The following ZKSCAN3 variants were observed in gnomAD, a reference collection of about 807,000 sequenced individuals.
ZKSCAN3 encodes the protein zinc finger protein with KRAB and SCAN domains 3.
In ZKSCAN3, 21 loss-of-function variants were observed where a neutral mutation model predicts 30.7. The ratio of observed to expected loss-of-function variants is 0.68; its 90% CI spans 0.49 to 0.99. ZKSCAN3 has a LOEUF of 0.99. Among genes scored for constraint, ZKSCAN3 ranks in the 50% least tolerant of loss-of-function variants. ZKSCAN3 has a pLI of 0.00. For missense variants in ZKSCAN3, 507 were observed against 647.1 expected (o/e 0.78, Z 2.35); for synonymous variants, 201 against 246.7 (o/e 0.81, Z 1.73).
At position 28,361,448 on chromosome 6, in the gene ZKSCAN3, G is replaced by T. The variant is rs755305286; in HGVS notation, c.527G>T (p.Gly176Val). The T allele has an allele frequency of 5.0e-6, 8 of 1,612,288 alleles. No homozygotes were observed. The South Asian group carries it at 7.7e-5, about 16-fold the overall frequency. ...MKALLKHESV[G>V]SQPLQDRVLQ... The stretch of plus-strand genomic sequence containing the variant: ...GCTCTGCTCAAGCATGAATCTGTGG[G>T]ATCCCAGCCTTTACAAGATAGAGGT... The change falls in exon 3 of 6, where the codon GGA becomes GTA. Residue 176 changes from glycine to valine, a missense_variant. Transcript: ENST00000252211.
At chr6:28,353,727 G>C (rs1395817454) in intron 1 of ZKSCAN3, 3 of 425,694 alleles carry the variant, frequency 7.0e-6, no homozygotes, top group Non-Finnish European at 1.4e-5. Context: ...CCTTGCGAGT[G>C]ATTAAAGATA....
chr6:28,360,586 T>G, intron 2 of ZKSCAN3: 1 of 983,360 alleles, frequency 1.0e-6, no homozygotes, highest in Non-Finnish European at 1.2e-6. Flanking sequence ...ACCTCCATGT[T>G]CTTCCCTGTT....
chr6:28,362,909 T>A (rs1765819707), intron 3 of ZKSCAN3, among the ~76,000 whole-genome samples: 1 of 152,180 alleles, frequency 6.6e-6, no homozygotes. Flanking sequence ...ATTCAAAGGA[T>A]CTTCAGATGG....
chr6:28,365,101 T>G (rs1192048943), intron 5 of ZKSCAN3, among the ~76,000 whole-genome samples: 3 of 151,798 alleles, frequency 2.0e-5, no homozygotes, highest in African/African-American at 7.2e-5. Context: ...GCCTTACAAT[T>G]CTTAGAACTT....
chr6:28,365,518 G>A lies in ZKSCAN3; in HGVS notation c.850G>A (p.Asp284Asn), dbSNP rs1181683828. 1.2e-6 allele frequency: 2 copies of A among 1,614,140 alleles called. No individual in the cohort carries two copies. Among genetic ancestry groups the A allele is most frequent in the Non-Finnish European group, 1.7e-6 (2 of 1,180,050 alleles). ...GAAGATATCGTGCCACCTGAGAGAA[G>A]ACATTGCCCAGATTCCTACATGTGC... is the stretch of plus-strand genomic sequence containing the variant. ...HGKISCHLRE[D>N]IAQIPTCAEA... Residue 284 changes from aspartate to asparagine, a missense_variant, in exon 6 of 6, where the codon GAC becomes AAC. By Grantham distance (23) the Asp-to-Asn change is conservative. Transcript: ENST00000252211.
intron 1 of ZKSCAN3, 55 bp from the exon 2 acceptor site, chr6:28,359,470 G>T: frequency 7.5e-7 from 1 of 1,326,752 alleles, no homozygotes; most frequent in Non-Finnish European, 1.0e-6. Context: ...TCCTGGGCAG[G>T]AGAGAAGGGA....
In ZKSCAN3 at chr6:28,350,085, T is replaced by TGG. The variant is rs1491258431; in HGVS notation, c.-63+19_-63+20insGG. The TGG allele has an allele frequency of 2.8e-5, 1 of 35,320 alleles. No individual in the cohort carries two copies. The highest frequency in any genetic ancestry group is 1.2e-3 in the African/African-American group (1 of 824). 2.2% of individuals were successfully genotyped at this position (35,320 alleles called of 1,614,324 possible). On this transcript the variant is annotated intron_variant, in intron 1 of 5. Coordinates refer to ENST00000252211, the MANE Select transcript of ZKSCAN3 (RefSeq NM_024493.4). Reference sequence around the variant, plus strand: ...GGGTAGAGGTGCGTTTGCAGGAGTATGTGTGTGTGTGTGTGTGTGTGTGTG... The same window carrying TGG: ...GGGTAGAGGTGCGTTTGCAGGAGTATGGGTGTGTGTGTGTGTGTGTGTGTGTG...
In ZKSCAN3 at chr6:28,368,735, A is replaced by G. The variant is rs1488510083; in HGVS notation, c.*2450A>G. 3.2e-5 allele frequency: 5 copies of G among 155,332 alleles called. No homozygotes were observed. 9.6% of individuals were successfully genotyped at this position (155,332 alleles called of 1,614,324 possible). A position where few individuals can be genotyped will look rare whatever the true frequency, so the allele number is the denominator to read the frequency against. ...CTTATCAAACACCAGAGAACCCTCA[A>G]TGGGAGAAGCCTTATGAGTGTGACA... is the stretch of plus-strand genomic sequence containing the variant. On this transcript the variant is annotated 3_prime_UTR_variant, in exon 6 of 6. Transcript: ENST00000252211.
chr6:28,367,722 ATTT>A lies in ZKSCAN3; in HGVS notation c.*1452_*1454del, dbSNP rs55844189. The A allele has an allele frequency of 0.053, 7,579 of 143,228 alleles. 298 individuals carry two copies. Among genetic ancestry groups the A allele is most frequent in the Non-Finnish European group, 0.091 (5,910 of 65,182 alleles). The allele number at this position is 143,228 out of a possible 1,614,324, so 8.9% of individuals were successfully genotyped here. A position where few individuals can be genotyped will look rare whatever the true frequency, so the allele number is the denominator to read the frequency against. Reference sequence around the variant, plus strand: ...CTCCAGCTCAATGGATTCACACCAAATTTTTTTTTTTTTTTTTAGACGGAGTCT... The same window carrying A: ...CTCCAGCTCAATGGATTCACACCAAATTTTTTTTTTTTTTAGACGGAGTCT... On this transcript the variant is annotated 3_prime_UTR_variant, in exon 6 of 6. Coordinates refer to ENST00000252211, the MANE Select transcript of ZKSCAN3 (RefSeq NM_024493.4).
chr6:28,361,626 G>T (rs1419093243), intron 3 of ZKSCAN3, among the ~76,000 whole-genome samples, 155 bp downstream of exon 3: 1 of 152,178 alleles, frequency 6.6e-6, no homozygotes, highest in Non-Finnish European at 1.5e-5. Flanking sequence ...CCAACATAAT[G>T]ATGGAAAGCT....
intron 5 of ZKSCAN3, 81 bp downstream of exon 5, chr6:28,363,896 G>T (rs532786243): frequency 6.5e-7 from 1 of 1,538,914 alleles, no homozygotes; most frequent in African/African-American, 1.4e-5. Context: ...ATTGGAAGCT[G>T]TTGAGCCCTG....
intron 3 of ZKSCAN3, among the ~76,000 whole-genome samples, chr6:28,361,910 A>C (rs1765786051): frequency 6.6e-6 from 1 of 151,732 alleles, no homozygotes; most frequent in African/African-American, 2.4e-5. Context: ...CGATCCTCTC[A>C]ACTCAGCCTC....
rs116179465 is a variant in ZKSCAN3, at chr6:28,356,877, C to T, written c.-62-2648C>T. ...CTCATGCTGTGGCTGCATAGCCGCT[C>T]CGGGAGCCTGGGGGCTGAAGACCCA... On this transcript the variant is annotated intron_variant, in intron 1 of 5. Transcript: ENST00000252211. Among the ~76,000 whole-genome samples, 537 of 152,340 alleles carry T rather than the reference C, an allele frequency of 3.5e-3. 4 individuals carry two copies. Among genetic ancestry groups the T allele is most frequent in the African/African-American group, 0.012 (490 of 41,578 alleles).
Position 28,365,501 on chromosome 6 carries a change from C to G in ZKSCAN3, c.833C>G (p.Ser278Trp). Residue 278 changes from serine (S) to tryptophan (W), a missense_variant, in exon 6 of 6, where the codon TCG becomes TGG. Physicochemically the swap from Ser to Trp is radical, Grantham distance 177. Transcript: ENST00000252211. ...CCAGAAAAGGAGCATGGGAAGATAT[C>G]GTGCCACCTGAGAGAAGACATTGCC... ...ELPEKEHGKI[S>W]CHLREDIAQI... The G allele has an allele frequency of 6.2e-7, 1 of 1,609,804 alleles. No individual in the cohort carries two copies. The highest frequency in any genetic ancestry group is 2.2e-5 in the East Asian group (1 of 44,888).
At position 28,365,453 on chromosome 6, in the gene ZKSCAN3, A is replaced by G; in HGVS notation, c.785A>G (p.Asp262Gly). ...LGDEKQTKSR[D>G]LPPAEELPEK... ...GATGAAAAACAGACTAAGAGCAGGGACTTGCCTCCAGCTGAGGAGCTTCCA... is the reference window on the plus strand; with the variant it reads ...GATGAAAAACAGACTAAGAGCAGGGGCTTGCCTCCAGCTGAGGAGCTTCCA... The change falls in exon 6 of 6, where the codon GAC (aspartate) becomes GGC (glycine). Residue 262 changes from aspartate to glycine, a missense_variant. By Grantham distance (94) the Asp-to-Gly change is moderately conservative (BLOSUM62 -1). Transcript: ENST00000252211. 2 of 1,613,106 alleles carry G rather than the reference A, an allele frequency of 1.2e-6. No individual in the cohort carries two copies. The highest frequency in any genetic ancestry group is 2.7e-5 in the African/African-American group (2 of 75,018).
chr6:28,353,045 T>G (rs939189040), intron 1 of ZKSCAN3, among the ~76,000 whole-genome samples: 4 of 151,544 alleles, frequency 2.6e-5, no homozygotes, highest in African/African-American at 9.7e-5. Flanking sequence ...CTTGGCTCAT[T>G]GCAACCTCCG....
At chr6:28,354,829 G>A (rs996007169) in intron 1 of ZKSCAN3, among the ~76,000 whole-genome samples, 3 of 152,220 alleles carry the variant, frequency 2.0e-5, no homozygotes, top group Non-Finnish European at 2.9e-5. Context: ...GGCCCTACAT[G>A]GGTCGGTGAC....
chr6:28,359,037 C>A (rs1765615176), intron 1 of ZKSCAN3, among the ~76,000 whole-genome samples: 3 of 151,730 alleles, frequency 2.0e-5, no homozygotes, highest in African/African-American at 4.8e-5. Flanking sequence ...GGGCTATTAT[C>A]TGGAGGCTCT....
At position 28,367,117 on chromosome 6, in the gene ZKSCAN3, C is replaced by G. The variant is rs897342770; in HGVS notation, c.*832C>G. On this transcript the variant is annotated 3_prime_UTR_variant, in exon 6 of 6. Transcript: ENST00000252211. The stretch of plus-strand genomic sequence containing the variant: ...GTTTTTAGTAGAGACGGGATTTTAC[C>G]GTGTTAGCCAGGATGGTCTCGATCT... 6.6e-6 allele frequency: 1 copy of G among 151,912 alleles called. No individual in the cohort carries two copies. Among genetic ancestry groups the G allele is most frequent in the African/African-American group, 2.4e-5 (1 of 41,298 alleles). 9.4% of individuals were successfully genotyped at this position (151,912 alleles called of 1,614,324 possible). A position where few individuals can be genotyped will look rare whatever the true frequency, so the allele number is the denominator to read the frequency against.
Sources: allele counts gnomAD v4.1 joint callset (sites outside exome capture counted in the v4.1 genomes callset), GRCh38; gene constraint gnomAD v4.1.1; transcripts MANE v1.5; gene names NCBI Gene and HGNC (gene_info 2026-07-23, HGNC 2026-07-21).